PCDH15: variants seen among roughly 807,000 people sequenced by gnomAD.
PCDH15 encodes the protein protocadherin-15.
Under a neutral mutation model 178.5 loss-of-function variants are expected in PCDH15, and 129 were observed. That is an observed-to-expected ratio of 0.72 (90% CI 0.63 to 0.84). The LOEUF is 0.84. Among genes scored for constraint, PCDH15 ranks in the 40% least tolerant of loss-of-function variants. The probability of loss-of-function intolerance (pLI) is 0.00; values close to 1 mark genes in which losing one functional copy is unlikely to be tolerated. For missense variants in PCDH15, 2,230 were observed against 2,099.9 expected, an observed-to-expected ratio of 1.06 and a Z score of -1.21; for synonymous variants, 800 against 732.0, an observed-to-expected ratio of 1.09 and a Z score of -1.50.
intron 2 of PCDH15, among the ~76,000 whole-genome samples, chr10:55,610,003 T>C (rs1216177885): frequency 1.3e-5 from 2 of 152,254 alleles, no homozygotes; most frequent in East Asian, 3.9e-4. Context: ...CAAAATAGAA[T>C]GTGTTCTTCA....
intron 2 of PCDH15, among the ~76,000 whole-genome samples, chr10:54,602,884 A>G (rs1011929915): frequency 6.6e-6 from 1 of 151,880 alleles, no homozygotes; most frequent in Non-Finnish European, 1.5e-5. Flanking sequence ...TTTATTGAGC[A>G]TTTCTGAGTC....
chr10:54,762,818 C>T (rs1479431524), intron 1 of PCDH15, among the ~76,000 whole-genome samples: 1 of 152,050 alleles, frequency 6.6e-6, no homozygotes, highest in Non-Finnish European at 1.5e-5. Flanking sequence ...AGAAATATTT[C>T]ATAATTGCAT....
chr10:55,257,717 A>G (rs1328638868), intron 1 of PCDH15, among the ~76,000 whole-genome samples: 4 of 152,174 alleles, frequency 2.6e-5, no homozygotes, highest in Non-Finnish European at 5.9e-5. Context: ...GAAATATGGG[A>G]CTATGTGAAA....
chr10:54,402,154 A>G (rs1205261914), intron 3 of PCDH15, among the ~76,000 whole-genome samples: 1 of 151,962 alleles, frequency 6.6e-6, no homozygotes, highest in East Asian at 1.9e-4. Context: ...ACAACACAGA[A>G]AATTCATGTA....
At chr10:53,995,352 A>G in intron 21 of PCDH15, 1 of 429,526 alleles carries the variant, frequency 2.3e-6, no homozygotes, top group Non-Finnish European at 4.2e-6. Context: ...ATCCAGATTA[A>G]GTGAAGCTTA....
chr10:55,468,657 T>C (rs938841413), intron 2 of PCDH15, among the ~76,000 whole-genome samples: 3 of 152,212 alleles, frequency 2.0e-5, no homozygotes, highest in African/African-American at 4.8e-5. Context: ...CTGCTACAGA[T>C]TTTGTCTAAG....
Position 53,925,144 on chromosome 10 carries a change from C to A in PCDH15, c.3373+13671G>T, listed in dbSNP as rs1329191658. The stretch of plus-strand genomic sequence containing the variant: ...CCACACTGTGGAAGCTTCATTCTTT[C>A]ACTCTTTGGAATAAATCTTGCTGCT... On this transcript the variant is annotated intron_variant, in intron 25 of 37. Transcript: ENST00000644397. 3.9e-5 allele frequency among the ~76,000 whole-genome samples: 6 copies of A among 152,240 alleles called. No individual in the cohort carries two copies. The East Asian group carries it at 1.2e-3, about 30-fold the overall frequency.
At chr10:54,798,412 G>T (rs1399616579) in intron 1 of PCDH15, among the ~76,000 whole-genome samples, 1 of 151,998 alleles carries the variant, frequency 6.6e-6, no homozygotes, top group Non-Finnish European at 1.5e-5. Flanking sequence ...CAAAGTTTTA[G>T]TTGAGAGTAA....
chr10:55,108,964 A>C (rs1261156201), intron 2 of PCDH15, among the ~76,000 whole-genome samples: 3 of 152,198 alleles, frequency 2.0e-5, no homozygotes, highest in African/African-American at 7.2e-5. Context: ...TACTTCATGG[A>C]AACAACAGAA....
chr10:55,413,716 G>A (rs764444592), intron 2 of PCDH15, among the ~76,000 whole-genome samples: 1 of 151,602 alleles, frequency 6.6e-6, no homozygotes, highest in African/African-American at 2.4e-5. Flanking sequence ...GTTAAAATGT[G>A]TCTTTATAAG....
At chr10:54,537,148 G>T (rs111252391) in intron 2 of PCDH15, among the ~76,000 whole-genome samples, 2,492 of 151,898 alleles carry the variant, frequency 0.016, 73 homozygotes, top group African/African-American at 0.056. Context: ...ACAGGCGCCC[G>T]CTACCATGCC....
At chr10:54,527,957 T>C in intron 2 of PCDH15, 80 bp from the exon 3 acceptor site, 3 of 1,110,754 alleles carry the variant, frequency 2.7e-6, no homozygotes, top group South Asian at 1.3e-5. Flanking sequence ...GAGATGTATA[T>C]TAATATTTAA....
chr10:54,564,575 T>C (rs1039481662), intron 2 of PCDH15, among the ~76,000 whole-genome samples: 1 of 152,146 alleles, frequency 6.6e-6, no homozygotes, highest in Non-Finnish European at 1.5e-5. Flanking sequence ...TGAATTTACA[T>C]GGTTGCATAT....
At chr10:54,528,388 C>A in intron 2 of PCDH15, 2 of 1,575,320 alleles carry the variant, frequency 1.3e-6, no homozygotes, top group Admixed American at 1.8e-5. Context: ...GTCATCTTAC[C>A]CTCATATTGC....
rs543719604 is a variant in PCDH15, at chr10:55,059,377, A to AT, written c.-80+107198dup. Among the ~76,000 whole-genome samples, 269 of 149,688 alleles carry AT rather than the reference A, an allele frequency of 1.8e-3. 1 individual carries two copies. Among genetic ancestry groups the AT allele is most frequent in the African/African-American group, 6.8e-3 (266 of 39,116 alleles). On this transcript the variant is annotated intron_variant, in intron 2 of 5. Transcript: ENST00000458638. ...ATTTCACTTTTCTATCTGCCACTAC[A>AT]TTAATTCTATGGAGAGAATATAATA... is the stretch of plus-strand genomic sequence containing the variant.
intron 2 of PCDH15, among the ~76,000 whole-genome samples, chr10:55,557,784 C>T (rs1446350459): frequency 6.6e-6 from 1 of 152,062 alleles, no homozygotes; most frequent in African/African-American, 2.4e-5. Flanking sequence ...CTCACTACTT[C>T]ATTCATGTTT....
intron 8 of PCDH15, among the ~76,000 whole-genome samples, chr10:54,286,158 T>C (rs1404965721): frequency 6.6e-6 from 1 of 152,172 alleles, no homozygotes; most frequent in Non-Finnish European, 1.5e-5. Context: ...TGGTAAAAAG[T>C]ATTGTATTGT....
chr10:55,609,210 T>C (rs1843305116), intron 2 of PCDH15, among the ~76,000 whole-genome samples: 1 of 152,028 alleles, frequency 6.6e-6, no homozygotes, highest in African/African-American at 2.4e-5. Flanking sequence ...TGAGAGAGGA[T>C]TTGCACTTTC....
At chr10:55,303,660 G>A (rs1843346521) in intron 1 of PCDH15, among the ~76,000 whole-genome samples, 1 of 152,016 alleles carries the variant, frequency 6.6e-6, no homozygotes. Context: ...GGTAGAAATA[G>A]GTGTATTTCA....
Sources: gnomAD v4.1 joint callset for allele counts (sites outside exome capture counted in the v4.1 genomes callset) on GRCh38, gnomAD v4.1.1 for gene constraint, MANE v1.5 for transcripts, NCBI Gene and HGNC (gene_info 2026-07-23, HGNC 2026-07-21) for gene names.